AFDN: variants seen among roughly 807,000 people sequenced by gnomAD.
AFDN encodes the protein afadin.
In AFDN, 68 loss-of-function variants were observed where a neutral mutation model predicts 216.6. That is an observed-to-expected ratio of 0.31 (90% CI 0.26 to 0.38). The LOEUF (loss-of-function observed/expected upper bound fraction) is 0.38. Among genes scored for constraint, AFDN ranks in the 10% least tolerant of loss-of-function variants. The pLI, the probability that AFDN is intolerant of heterozygous loss-of-function variation, is 1.00. For synonymous variants in AFDN, 868 were observed against 853.7 expected, an observed-to-expected ratio of 1.02 and a Z score of -0.29; for missense variants, 2,136 against 2,342.0, an observed-to-expected ratio of 0.91 and a Z score of 1.82.
At position 167,891,958 on chromosome 6, in the gene AFDN, A is replaced by G. The variant is rs185803112; in HGVS notation, c.1177+929A>G. ...ATATGGCTCCATGAATGTGAATTAC[A>G]TTTTTTCTTCTTTGATTTTTGAGAG... On this transcript the variant is annotated intron_variant, in intron 8 of 33. Coordinates refer to ENST00000683244, the MANE Select transcript of AFDN (RefSeq NM_001386888.1). Among the ~76,000 whole-genome samples, 33 of 152,200 alleles carry G rather than the reference A, an allele frequency of 2.2e-4. No individual in the cohort carries two copies. The East Asian group carries it at 5.8e-3, about 27-fold the overall frequency.
intron 31 of AFDN, chr6:167,964,989 A>G: frequency 9.5e-7 from 1 of 1,051,270 alleles, no homozygotes; most frequent in South Asian, 4.6e-5. Flanking sequence ...AAAAAAATGT[A>G]CAGTATGTGT....
At chr6:167,834,911 G>T (rs759174272) in intron 1 of AFDN, among the ~76,000 whole-genome samples, 3 of 152,122 alleles carry the variant, frequency 2.0e-5, no homozygotes, top group Non-Finnish European at 2.9e-5. Flanking sequence ...GAGCCCAGGA[G>T]GTCAAGGCTG....
chr6:167,924,308 T>C (rs1792214450), intron 22 of AFDN, among the ~76,000 whole-genome samples: 1 of 152,228 alleles, frequency 6.6e-6, no homozygotes, highest in Non-Finnish European at 1.5e-5. Context: ...TGTTTACTCT[T>C]TGGCGTATAG....
At chr6:167,926,621 A>G (rs1792565379) in intron 23 of AFDN, among the ~76,000 whole-genome samples, 1 of 152,168 alleles carries the variant, frequency 6.6e-6, no homozygotes, top group Non-Finnish European at 1.5e-5. Flanking sequence ...TTTTAGAGAC[A>G]GGGTCTCGCT....
At chr6:167,923,977 C>T (rs944180316) in intron 22 of AFDN, among the ~76,000 whole-genome samples, 1 of 152,134 alleles carries the variant, frequency 6.6e-6, no homozygotes, top group Admixed American at 6.5e-5. Context: ...TCCCAAATAA[C>T]AGCAGCAACT....
At chr6:167,933,196 T>C (rs1275307689) in intron 23 of AFDN, among the ~76,000 whole-genome samples, 1 of 152,220 alleles carries the variant, frequency 6.6e-6, no homozygotes, top group Non-Finnish European at 1.5e-5. Context: ...AATGACACTT[T>C]TAAAAGTACT....
chr6:167,840,678 G>A (rs1271255319), intron 1 of AFDN, among the ~76,000 whole-genome samples: 1 of 152,234 alleles, frequency 6.6e-6, no homozygotes, highest in Admixed American at 6.5e-5. Flanking sequence ...TACTATATGT[G>A]TGTCTGTGTG....
intron 30 of AFDN, chr6:167,954,599 G>T: frequency 1.1e-6 from 1 of 909,160 alleles, no homozygotes; most frequent in Non-Finnish European, 1.6e-6. Context: ...CTCCTTAGGG[G>T]TGTCCTCCAT....
At chr6:167,834,221 A>AC (rs1195655565) in intron 1 of AFDN, among the ~76,000 whole-genome samples, 1 of 152,070 alleles carries the variant, frequency 6.6e-6, no homozygotes, top group Non-Finnish European at 1.5e-5. Context: ...TGTACACTGA[A>AC]CCCAGTTAGT....
At chr6:167,966,803 A>G (rs1303345491) in intron 32 of AFDN, among the ~76,000 whole-genome samples, 1 of 152,184 alleles carries the variant, frequency 6.6e-6, no homozygotes, top group African/African-American at 2.4e-5. Flanking sequence ...AAGCTGGTTC[A>G]CTGTTGGCTT....
At position 167,896,956 on chromosome 6, in the gene AFDN, A is replaced by G; in HGVS notation, c.1301A>G (p.Asp434Gly). 1.2e-6 allele frequency: 2 copies of G among 1,609,686 alleles called. No individual in the cohort carries two copies. Among genetic ancestry groups the G allele is most frequent in the Non-Finnish European group, 1.7e-6 (2 of 1,176,034 alleles). Residue 434 changes from aspartate to glycine, a missense_variant, in exon 10 of 34, where the codon GAT becomes GGT. By Grantham distance (94) the Asp-to-Gly change is moderately conservative. Coordinates refer to ENST00000683244, the MANE Select transcript of AFDN (RefSeq NM_001386888.1). ...SVTEVGTEKL[D>G]DNSIQLFGPG... ...ACTGAAGTTGGGACAGAAAAGTTGGATGACAACTCTATCCAGGTACGTAGT... is the reference window on the plus strand; with the variant it reads ...ACTGAAGTTGGGACAGAAAAGTTGGGTGACAACTCTATCCAGGTACGTAGT...
intron 6 of AFDN, among the ~76,000 whole-genome samples, chr6:167,886,942 G>A (rs1786899069): frequency 6.6e-6 from 1 of 151,472 alleles, no homozygotes; most frequent in Non-Finnish European, 1.5e-5. Context: ...TTGAACCCAG[G>A]AGGCGGAGGT....
chr6:167,899,094 A>C (rs927589069), intron 11 of AFDN, among the ~76,000 whole-genome samples: 1 of 152,134 alleles, frequency 6.6e-6, no homozygotes, highest in Non-Finnish European at 1.5e-5. Flanking sequence ...TTTCTTCCTG[A>C]AGCACAGACA....
At chr6:167,913,373 C>A in intron 15 of AFDN, 30 bp from the exon 16 acceptor site, 1 of 1,535,162 alleles carries the variant, frequency 6.5e-7, no homozygotes, top group Non-Finnish European at 8.7e-7. Context: ...TCTCGTTCTG[C>A]TTGATTTCCC....
intron 2 of AFDN, among the ~76,000 whole-genome samples, chr6:167,868,323 G>A (rs1784417542): frequency 6.6e-6 from 1 of 152,120 alleles, no homozygotes; most frequent in Non-Finnish European, 1.5e-5. Context: ...AGGTTGGAGG[G>A]CTACTTAAAA....
chr6:167,935,388 A>G (rs576916565), intron 23 of AFDN, among the ~76,000 whole-genome samples: 2 of 152,358 alleles, frequency 1.3e-5, no homozygotes, highest in Admixed American at 1.3e-4. Context: ...AAGGCTGGAC[A>G]TAGCAGTGTG....
intron 1 of AFDN, among the ~76,000 whole-genome samples, 187 bp downstream of exon 1, chr6:167,827,424 C>G (rs1162539639): frequency 6.9e-6 from 1 of 145,428 alleles, no homozygotes; most frequent in Non-Finnish European, 1.5e-5. Flanking sequence ...GCCCCCGTCC[C>G]CCTGCCGCGG....
chr6:167,891,529 G>C (rs907452995), intron 8 of AFDN, among the ~76,000 whole-genome samples: 1 of 151,920 alleles, frequency 6.6e-6, no homozygotes, highest in Non-Finnish European at 1.5e-5. Context: ...ATCTTAGTAA[G>C]AGGAAGGCTA....
chr6:167,965,977 A>C lies in AFDN; in HGVS notation c.5189A>C (p.Asp1730Ala). Reference protein sequence around the residue: ...SYLKTQVLSPDSLFTAKFVAY... With the variant: ...SYLKTQVLSPASLFTAKFVAY... ...CTCAAAACACAGGTCCTCTCCCCCG[A>C]CTCGCTGTTCACTGCCAAGTTTGTT... Residue 1730 changes from aspartate to alanine, a missense_variant, in exon 32 of 34, where the codon GAC becomes GCC. Coordinates refer to ENST00000683244, the MANE Select transcript of AFDN (RefSeq NM_001386888.1). The C allele has an allele frequency of 6.5e-7, 1 of 1,546,454 alleles. No individual in the cohort carries two copies. The highest frequency in any genetic ancestry group is 8.7e-7 in the Non-Finnish European group (1 of 1,144,698).
Sources: gnomAD v4.1 joint callset for allele counts (sites outside exome capture counted in the v4.1 genomes callset) on GRCh38, gnomAD v4.1.1 for gene constraint, MANE v1.5 for transcripts, NCBI Gene and HGNC (gene_info 2026-07-23, HGNC 2026-07-21) for gene names.